Variants in TOP6BL observed in about 807,000 individuals in gnomAD.
TOP6BL encodes type 2 DNA topoisomerase 6 subunit B-like.
chr11:66,830,118 G>A, the TOP6BL span, among the ~76,000 whole-genome samples: 1 of 152,138 alleles, frequency 6.6e-6, no homozygotes, highest in Non-Finnish European at 1.5e-5. Context: ...CTTTTCAAGT[G>A]CACAAGGCAC....
At chr11:66,839,240 C>T in the TOP6BL span, 1 of 455,322 alleles carries the variant, frequency 2.2e-6, no homozygotes. Flanking sequence ...TGTACTAATG[C>T]TCTTAGTTCT....
the TOP6BL span, among the ~76,000 whole-genome samples, chr11:66,753,378 G>A: frequency 2.0e-5 from 3 of 150,816 alleles, no homozygotes; most frequent in Admixed American, 6.6e-5. Flanking sequence ...TGTTACTGCT[G>A]CTCACGTTCT....
chr11:66,758,715 C>G, the TOP6BL span, among the ~76,000 whole-genome samples: 2 of 152,228 alleles, frequency 1.3e-5, no homozygotes, highest in African/African-American at 4.8e-5. Context: ...ATTCTGATTA[C>G]TAGCTGCAAT....
chr11:66,771,972 A>G, the TOP6BL span, among the ~76,000 whole-genome samples: 1 of 152,222 alleles, frequency 6.6e-6, no homozygotes, highest in Non-Finnish European at 1.5e-5. Context: ...TATAGCTGCC[A>G]TAGATAGTGA....
chr11:66,793,444 GTTTTTTTTTTT>G, the TOP6BL span, among the ~76,000 whole-genome samples: 3 of 97,982 alleles, frequency 3.1e-5, no homozygotes, highest in African/African-American at 1.1e-4. Flanking sequence ...TTCTTTTTTT[GTTTTTTTTTTT>G]TTTTTTTTTA....
the TOP6BL span, chr11:66,762,253 G>A: frequency 3.7e-6 from 2 of 540,276 alleles, no homozygotes; most frequent in Non-Finnish European, 6.7e-6. Context: ...CGCAGAACAC[G>A]CGCGCAAACT....
the TOP6BL span, chr11:66,843,297 T>C: frequency 2.5e-6 from 4 of 1,576,912 alleles, no homozygotes; most frequent in South Asian, 1.1e-5. Context: ...TATCCCGTGG[T>C]TTAATAAAGC....
chr11:66,811,388 C>T, the TOP6BL span, among the ~76,000 whole-genome samples: 5 of 152,262 alleles, frequency 3.3e-5, no homozygotes, highest in African/African-American at 4.8e-5. Context: ...GACAGGGTTT[C>T]GCCATGTTGG....
the TOP6BL span, among the ~76,000 whole-genome samples, chr11:66,809,069 C>T: frequency 6.6e-6 from 1 of 152,124 alleles, no homozygotes; most frequent in Non-Finnish European, 1.5e-5. Flanking sequence ...CTCAGCCTCC[C>T]AAGTAGCTGG....
the TOP6BL span, among the ~76,000 whole-genome samples, chr11:66,817,551 G>T: frequency 3.2e-4 from 48 of 152,202 alleles, no homozygotes; most frequent in African/African-American, 9.9e-4. Flanking sequence ...CAATTTTCCT[G>T]CCTCAGCCTC....
the TOP6BL span, among the ~76,000 whole-genome samples, chr11:66,803,408 C>T: frequency 6.6e-6 from 1 of 152,064 alleles, no homozygotes; most frequent in Non-Finnish European, 1.5e-5. Context: ...ATAGTGAGAC[C>T]CCATCTCTAA....
chr11:66,833,545 A>T, the TOP6BL span, among the ~76,000 whole-genome samples: 1 of 152,168 alleles, frequency 6.6e-6, no homozygotes, highest in Admixed American at 6.5e-5. Flanking sequence ...ATGTGCTGTT[A>T]TCATAGGACC....
At chr11:66,813,963 G>GA in the TOP6BL span, 1 of 1,613,778 alleles carries the variant, frequency 6.2e-7, no homozygotes, top group Non-Finnish European at 8.5e-7. Context: ...TAGTTGACTG[G>GA]AAAAAATACC....
At chr11:66,828,380 C>G in the TOP6BL span, 1 of 1,580,576 alleles carries the variant, frequency 6.3e-7, no homozygotes, top group African/African-American at 1.3e-5. Context: ...TGTAAATAAT[C>G]AGTACTTTGG....
the TOP6BL span, among the ~76,000 whole-genome samples, chr11:66,760,625 C>CA: frequency 0.49 from 26,376 of 54,150 alleles, 7,786 homozygotes; most frequent in Non-Finnish European, 0.56. Context: ...CCCATCTTTA[C>CA]AAAAAAAAAA....
the TOP6BL span, among the ~76,000 whole-genome samples, chr11:66,755,865 C>G: frequency 6.6e-6 from 1 of 152,186 alleles, no homozygotes. Context: ...CTGTATTTCT[C>G]TCTTTCTTCA....
chr11:66,773,336 G>A, the TOP6BL span, among the ~76,000 whole-genome samples: 2 of 151,386 alleles, frequency 1.3e-5, no homozygotes, highest in African/African-American at 4.9e-5. Flanking sequence ...TTATAGGCAC[G>A]TACCACTGCA....
chr11:66,747,977 C>G, the TOP6BL span, among the ~76,000 whole-genome samples: 5 of 152,076 alleles, frequency 3.3e-5, no homozygotes, highest in Admixed American at 6.6e-5. Context: ...AATGAAAGAT[C>G]AAGATGATTC....
chr11:66,789,929 C>T, the TOP6BL span, among the ~76,000 whole-genome samples: 1 of 152,134 alleles, frequency 6.6e-6, no homozygotes, highest in African/African-American at 2.4e-5. Context: ...TTGTTCAAGT[C>T]AGTGTCAGTG....
Sources: allele counts gnomAD v4.1 joint callset (sites outside exome capture counted in the v4.1 genomes callset), GRCh38; gene constraint gnomAD v4.1.1; transcripts MANE v1.5; gene names NCBI Gene and HGNC (gene_info 2026-07-23, HGNC 2026-07-21).